Variants in ELAPOR1 observed in about 807,000 individuals in gnomAD.
ELAPOR1 encodes endosome-lysosome associated apoptosis and autophagy regulator 1.
Under a neutral mutation model 119.7 loss-of-function variants are expected in ELAPOR1, and 77 were observed. The ratio of observed to expected loss-of-function variants is 0.64; its 90% CI spans 0.54 to 0.78. ELAPOR1 has a LOEUF of 0.78. ELAPOR1 is among the 30% of genes least tolerant of loss of function. The probability of loss-of-function intolerance (pLI) is 0.00; values close to 1 mark genes in which losing one functional copy is unlikely to be tolerated. For synonymous variants in ELAPOR1, 481 were observed against 487.2 expected, an observed-to-expected ratio of 0.99 and a Z score of 0.17; for missense variants, 1,115 against 1,270.4, an observed-to-expected ratio of 0.88 and a Z score of 1.86.
intron 1 of ELAPOR1, 55 bp from the exon 2 acceptor site, chr1:109,161,839 G>A: frequency 6.4e-7 from 1 of 1,569,606 alleles, no homozygotes. Context: ...GTGGGAAGCT[G>A]TTAATGTTTG....
At chr1:109,124,715 G>A (rs978251506) in intron 1 of ELAPOR1, among the ~76,000 whole-genome samples, 1 of 151,906 alleles carries the variant, frequency 6.6e-6, no homozygotes, top group Non-Finnish European at 1.5e-5. Flanking sequence ...CACATCCTTG[G>A]CAATGCTATC....
intron 1 of ELAPOR1, among the ~76,000 whole-genome samples, chr1:109,128,464 G>T (rs556252216): frequency 6.6e-6 from 1 of 152,142 alleles, no homozygotes; most frequent in Non-Finnish European, 1.5e-5. Flanking sequence ...AGAGTGGCTA[G>T]TAACCCACTC....
chr1:109,127,215 CTTTTTTTTT>C (rs371961969), intron 1 of ELAPOR1, among the ~76,000 whole-genome samples: 1 of 129,042 alleles, frequency 7.7e-6, no homozygotes, highest in Non-Finnish European at 1.7e-5. Flanking sequence ...TTTTTCTTTT[CTTTTTTTTT>C]TTTTTTTTTA....
At chr1:109,189,896 T>TC (rs1339497625) in intron 11 of ELAPOR1, among the ~76,000 whole-genome samples, 1 of 152,106 alleles carries the variant, frequency 6.6e-6, no homozygotes, top group Non-Finnish European at 1.5e-5. Flanking sequence ...CTGCTCTCTC[T>TC]CCCGTATAGC....
At chr1:109,121,542 G>C (rs510864) in intron 1 of ELAPOR1, among the ~76,000 whole-genome samples, 21,899 of 151,986 alleles carry the variant, frequency 0.14, 2,675 homozygotes, top group African/African-American at 0.34. Context: ...CCTTGAACTC[G>C]TGGCCTCAAA....
chr1:109,184,298 G>A (rs1243323332), intron 7 of ELAPOR1, among the ~76,000 whole-genome samples: 2 of 152,156 alleles, frequency 1.3e-5, no homozygotes, highest in African/African-American at 2.4e-5. Context: ...TTGAACCTGG[G>A]AGGCGGAGGT....
At chr1:109,123,857 C>G (rs1339507865) in intron 1 of ELAPOR1, among the ~76,000 whole-genome samples, 1 of 152,172 alleles carries the variant, frequency 6.6e-6, no homozygotes, top group East Asian at 1.9e-4. Flanking sequence ...GGCTGGAGTG[C>G]AATGGCACGA....
rs187543042 is a variant in ELAPOR1, at chr1:109,199,923, G to A, written c.2571G>A (p.Pro857=). The A allele has an allele frequency of 3.1e-6, 5 of 1,613,960 alleles. No individual in the cohort carries two copies. Among genetic ancestry groups the A allele is most frequent in the Admixed American group, 3.3e-5 (2 of 60,022 alleles). The change falls in exon 19 of 22, where the codon CCG becomes CCA. Residue 857 remains proline, a synonymous_variant. Transcript: ENST00000369939. ...TGTGGGAGAGCGCGGCTGCTTGCCCGCTCTGCTCAGTGGCTGACTACCATG... is the reference window on the plus strand; with the variant it reads ...TGTGGGAGAGCGCGGCTGCTTGCCCACTCTGCTCAGTGGCTGACTACCATG... The part of the protein sequence containing the change: ...HFLWESAAAC[P]LCSVADYHAI...
intron 7 of ELAPOR1, among the ~76,000 whole-genome samples, chr1:109,177,709 T>C (rs1380176121): frequency 6.6e-6 from 1 of 152,058 alleles, no homozygotes; most frequent in Admixed American, 6.5e-5. Context: ...GATTCCTGTT[T>C]TTCCACTTGC....
In ELAPOR1 at chr1:109,199,917, T is replaced by C. The variant is rs1424583093; in HGVS notation, c.2565T>C (p.Ala855=). 1 of 1,613,994 alleles carries C rather than the reference T, an allele frequency of 6.2e-7. No homozygotes were observed. The highest frequency in any genetic ancestry group is 2.2e-5 in the East Asian group (1 of 44,886). ...NFHFLWESAA[A]CPLCSVADYH... Reference sequence around the variant, plus strand: ...ACTTCCTGTGGGAGAGCGCGGCTGCTTGCCCGCTCTGCTCAGTGGCTGACT... The same window carrying C: ...ACTTCCTGTGGGAGAGCGCGGCTGCCTGCCCGCTCTGCTCAGTGGCTGACT... The change falls in exon 19 of 22, where the codon GCT becomes GCC. Residue 855 remains alanine, a synonymous_variant. Transcript: ENST00000369939.
chr1:109,184,948 T>C, intron 7 of ELAPOR1, 97 bp from the exon 8 acceptor site: 2 of 857,744 alleles, frequency 2.3e-6, no homozygotes, highest in Non-Finnish European at 4.0e-6. Context: ...TGTGTGGCAA[T>C]GCACCCAGGG....
In ELAPOR1 at chr1:109,173,514, C is replaced by G. The variant is rs934181964; in HGVS notation, c.737C>G (p.Thr246Ser). The G allele has an allele frequency of 6.2e-7, 1 of 1,614,080 alleles. No individual in the cohort carries two copies. Among genetic ancestry groups the G allele is most frequent in the African/African-American group, 1.3e-5 (1 of 74,920 alleles). ...NRGNNVLYWRTTAFSVWTKVP... is the reference protein window; with the variant it reads ...NRGNNVLYWRSTAFSVWTKVP... ...GGCAATAATGTCCTCTATTGGAGAA[C>G]CACAGCCTTCTCAGTATGGACCAAA... Residue 246 changes from threonine to serine, a missense_variant, in exon 6 of 22, where the codon ACC (threonine) becomes AGC (serine). Transcript: ENST00000369939.
In ELAPOR1 at chr1:109,197,551, T is replaced by C. The variant is rs780538568; in HGVS notation, c.2199T>C (p.Ser733=). 18 of 1,614,056 alleles carry C rather than the reference T, an allele frequency of 1.1e-5. No individual in the cohort carries two copies. The highest frequency in any genetic ancestry group is 1.5e-5 in the Non-Finnish European group (18 of 1,180,034). ...AGGGTGAGTCAGGGTTCTCCAAATC[T>C]ATCACAGCCTACGTCTGCCAGGCAG... The part of the protein sequence containing the change: ...IPEGESGFSK[S]ITAYVCQAVI... Residue 733 remains serine (S), a synonymous_variant, in exon 16 of 22, where the codon TCT becomes TCC. Transcript: ENST00000369939.
intron 7 of ELAPOR1, among the ~76,000 whole-genome samples, chr1:109,181,998 C>T (rs187047951): frequency 8.5e-5 from 13 of 152,156 alleles, no homozygotes; most frequent in Admixed American, 3.9e-4. Flanking sequence ...GTAAAGAGAC[C>T]TTTAATCCTT....
chr1:109,136,023 AAGTAATTCTCAAATTTCAC>A (rs1649446588), intron 1 of ELAPOR1, among the ~76,000 whole-genome samples: 1 of 152,144 alleles, frequency 6.6e-6, no homozygotes, highest in Admixed American at 6.5e-5. Context: ...TTGGTCTAAG[AAGTAATTCTCAAATTTCAC>A]AGCATGGAAC....
intron 4 of ELAPOR1, 66 bp downstream of exon 4, chr1:109,172,079 G>A: frequency 4.5e-6 from 7 of 1,563,922 alleles, no homozygotes; most frequent in Middle Eastern, 1.7e-4. Flanking sequence ...ATCCGTTTGA[G>A]GAATCCATCA....
At chr1:109,119,567 T>C (rs1648261483) in intron 1 of ELAPOR1, among the ~76,000 whole-genome samples, 1 of 152,090 alleles carries the variant, frequency 6.6e-6, no homozygotes, top group Non-Finnish European at 1.5e-5. Flanking sequence ...TAAAAATATA[T>C]TGCATTGTAT....
At chr1:109,121,562 T>G (rs1487102061) in intron 1 of ELAPOR1, among the ~76,000 whole-genome samples, 1 of 152,230 alleles carries the variant, frequency 6.6e-6, no homozygotes, top group African/African-American at 2.4e-5. Context: ...AGGATTCTCC[T>G]GCCTCAGTCA....
chr1:109,194,472 A>G lies in ELAPOR1; in HGVS notation c.1999A>G (p.Arg667Gly). The G allele has an allele frequency of 1.2e-6, 2 of 1,613,776 alleles. No individual in the cohort carries two copies. The highest frequency in any genetic ancestry group is 1.7e-6 in the Non-Finnish European group (2 of 1,179,630). ...DCTFSRNTPT[R>G]TFNYNFSALA... ...CACCTTCTCACGCAACACTCCGACC[A>G]GGACTTTCAACTACAACTTCTCCGC... The change falls in exon 15 of 22, where the codon AGG (arginine) becomes GGG (glycine). Residue 667 changes from arginine (R) to glycine (G), a missense_variant. By Grantham distance (125) the Arg-to-Gly change is moderately radical (BLOSUM62 -2). Transcript: ENST00000369939.
Sources: gnomAD v4.1 joint callset for allele counts (sites outside exome capture counted in the v4.1 genomes callset) on GRCh38, gnomAD v4.1.1 for gene constraint, MANE v1.5 for transcripts, NCBI Gene and HGNC (gene_info 2026-07-23, HGNC 2026-07-21) for gene names.